MAP2K2: variants seen among roughly 807,000 people sequenced by gnomAD.
The protein encoded by MAP2K2 is dual specificity mitogen-activated protein kinase kinase 2.
In MAP2K2, 24 loss-of-function variants were observed where a neutral mutation model predicts 43.7. The ratio of observed to expected loss-of-function variants is 0.55; its 90% CI spans 0.40 to 0.77. MAP2K2 has a LOEUF of 0.77. Among genes scored for constraint, MAP2K2 ranks in the 30% least tolerant of loss-of-function variants. MAP2K2 has a pLI of 0.00. For missense variants in MAP2K2, 470 were observed against 566.8 expected (o/e 0.83, Z 1.73); for synonymous variants, 244 against 239.7 (o/e 1.02, Z -0.17).
At chr19:4,118,615 A>G (rs1419520061) in intron 1 of MAP2K2, among the ~76,000 whole-genome samples, 1 of 152,114 alleles carries the variant, frequency 6.6e-6, no homozygotes, top group Non-Finnish European at 1.5e-5. Flanking sequence ...AAAACAAAAA[A>G]TAAGCATGAC....
At chr19:4,105,105 G>C (rs1178937457) in intron 3 of MAP2K2, among the ~76,000 whole-genome samples, 1 of 151,724 alleles carries the variant, frequency 6.6e-6, no homozygotes, top group Non-Finnish European at 1.5e-5. Context: ...TATTGCAGCT[G>C]TGTACTGCTG....
At chr19:4,120,882 G>A (rs765767022) in intron 1 of MAP2K2, among the ~76,000 whole-genome samples, 2 of 145,362 alleles carry the variant, frequency 1.4e-5, no homozygotes, top group Non-Finnish European at 3.1e-5. Flanking sequence ...ACGGGTCCCC[G>A]TGTCTGGCTG....
intron 1 of MAP2K2, among the ~76,000 whole-genome samples, chr19:4,121,529 A>G (rs2041292645): frequency 8.5e-6 from 1 of 117,284 alleles, no homozygotes; most frequent in Non-Finnish European, 1.8e-5. Context: ...CCCCAACATG[A>G]GACCCCTAGG....
In MAP2K2 at chr19:4,110,673, C is replaced by A. The variant is rs766030589; in HGVS notation, c.304-18G>T. On this transcript the variant is annotated intron_variant, in intron 2 of 10. Coordinates refer to ENST00000262948, the MANE Select transcript of MAP2K2 (RefSeq NM_030662.4). ...TGGATCAGCTGCAAGGGGAGAGGGG[C>A]GAGACTGGCTTGGGGGGTGCCCGAA... The A allele has an allele frequency of 1.2e-6, 2 of 1,608,804 alleles. No individual in the cohort carries two copies. Among genetic ancestry groups the A allele is most frequent in the African/African-American group, 1.3e-5 (1 of 74,880 alleles).
At chr19:4,100,910 C>T in intron 6 of MAP2K2, 109 bp downstream of exon 6, 1 of 1,267,044 alleles carries the variant, frequency 7.9e-7, no homozygotes, top group Non-Finnish European at 1.1e-6. Flanking sequence ...GCGCAGGAGA[C>T]ATGGGGGTGA....
At chr19:4,117,007 G>A (rs1018945620) in intron 2 of MAP2K2, among the ~76,000 whole-genome samples, 16 of 152,334 alleles carry the variant, frequency 1.1e-4, no homozygotes, top group East Asian at 9.7e-4. Flanking sequence ...CGTCGCCACC[G>A]CTGCGTAGGC....
At chr19:4,105,192 G>GA (rs1241012973) in intron 3 of MAP2K2, among the ~76,000 whole-genome samples, 1 of 149,444 alleles carries the variant, frequency 6.7e-6, no homozygotes. Context: ...GTGTGTGTGT[G>GA]TGTGTGTGTG....
At chr19:4,123,290 C>T (rs1289016421) in intron 1 of MAP2K2, among the ~76,000 whole-genome samples, 1 of 151,212 alleles carries the variant, frequency 6.6e-6, no homozygotes, top group East Asian at 2.0e-4. Flanking sequence ...CCCAGCTTCA[C>T]TTTTCAGAAG....
intron 6 of MAP2K2, chr19:4,100,361 C>CGGAG (rs1308567771): frequency 2.4e-5 from 3 of 126,718 alleles, no homozygotes; most frequent in African/African-American, 9.1e-5. Context: ...GGGTGGGAGG[C>CGGAG]GGAGGTTGCA....
chr19:4,092,413 A>G (rs572963650), intron 10 of MAP2K2, among the ~76,000 whole-genome samples: 1 of 151,960 alleles, frequency 6.6e-6, no homozygotes, highest in Admixed American at 6.6e-5. Flanking sequence ...ACATGGTGAA[A>G]CCCCATCTCT....
chr19:4,117,018 G>A (rs1027856853), intron 2 of MAP2K2, among the ~76,000 whole-genome samples: 4 of 152,208 alleles, frequency 2.6e-5, no homozygotes, highest in East Asian at 1.9e-4. Flanking sequence ...CTGCGTAGGC[G>A]GTCTGTCACT....
rs117245135 is a variant in MAP2K2, at chr19:4,095,330, G to A, written c.1046+58C>T. On this transcript the variant is annotated intron_variant, in intron 9 of 10. Transcript: ENST00000262948. ...GGGCCACGGGCCCCACCCAGGACCC[G>A]GAAGGAGTGGCACATCTGGGTCCCG... is the stretch of plus-strand genomic sequence containing the variant. 3.6e-3 allele frequency: 5,333 copies of A among 1,495,038 alleles called. 22 individuals carry two copies. The highest frequency in any genetic ancestry group is 0.013 in the South Asian group (1,064 of 82,216). 92.6% of individuals were successfully genotyped at this position (1,495,038 alleles called of 1,614,324 possible).
chr19:4,096,453 A>G (rs1280511357), intron 8 of MAP2K2, among the ~76,000 whole-genome samples: 1 of 152,210 alleles, frequency 6.6e-6, no homozygotes, highest in Non-Finnish European at 1.5e-5. Flanking sequence ...CACGTGGCCA[A>G]CAGGACCTTG....
chr19:4,119,370 C>T (rs376675599), intron 1 of MAP2K2, among the ~76,000 whole-genome samples: 1 of 152,034 alleles, frequency 6.6e-6, no homozygotes, highest in Non-Finnish European at 1.5e-5. Flanking sequence ...TACAAGCACC[C>T]GCCACCACGC....
chr19:4,120,186 C>T (rs544433520), intron 1 of MAP2K2, among the ~76,000 whole-genome samples: 1 of 152,144 alleles, frequency 6.6e-6, no homozygotes, highest in Non-Finnish European at 1.5e-5. Flanking sequence ...GAAACAGGGC[C>T]CTAGTAGGTG....
intron 3 of MAP2K2, chr19:4,103,075 G>C: frequency 9.8e-7 from 1 of 1,020,394 alleles, no homozygotes; most frequent in Non-Finnish European, 1.2e-6. Context: ...AGAAAGGCCA[G>C]GCCGAGTAGG....
rs192038608 is a variant in MAP2K2, at chr19:4,112,079, G to A, written c.304-1424C>T. Among the ~76,000 whole-genome samples the A allele has an allele frequency of 5.7e-4, 87 of 152,342 alleles. 6 individuals are homozygous for A. The highest frequency in any genetic ancestry group is 2.0e-3 in the African/African-American group (83 of 41,570). ...CCAGCATGGCAAGGAGCAGCCTGAG[G>A]CTTTGGGACGGCACCCTGGAGAATC... On this transcript the variant is annotated intron_variant, in intron 2 of 10. Transcript: ENST00000262948.
chr19:4,097,171 G>T, intron 8 of MAP2K2, 108 bp downstream of exon 8: 1 of 825,626 alleles, frequency 1.2e-6, no homozygotes, highest in Non-Finnish European at 1.9e-6. Flanking sequence ...TCCAGCCTTG[G>T]TGACTCTTGC....
At chr19:4,102,348 G>A (rs756363064) in intron 4 of MAP2K2, 28 bp downstream of exon 4, 45 of 1,557,314 alleles carry the variant, frequency 2.9e-5, no homozygotes, top group Admixed American at 1.3e-4. Context: ...TGCGGTGGGG[G>A]CGCGATGTGG....
Sources: gnomAD v4.1 joint callset for allele counts (sites outside exome capture counted in the v4.1 genomes callset) on GRCh38, gnomAD v4.1.1 for gene constraint, MANE v1.5 for transcripts, NCBI Gene and HGNC (gene_info 2026-07-23, HGNC 2026-07-21) for gene names.